SVEP1: variants seen among roughly 807,000 people sequenced by gnomAD.
SVEP1 encodes the protein sushi, von Willebrand factor type A, EGF and pentraxin domain-containing protein 1.
In SVEP1, 164 loss-of-function variants were observed where a neutral mutation model predicts 367.3. The observed-to-expected ratio is 0.45, with a 90% CI of 0.39 to 0.51. SVEP1 has a LOEUF of 0.51. SVEP1 is among the 20% of genes least tolerant of loss of function. The pLI, the probability that SVEP1 is intolerant of heterozygous loss-of-function variation, is 0.00. For synonymous variants in SVEP1, 1,666 were observed against 1,611.6 expected (o/e 1.03, Z -0.81); for missense variants, 4,117 against 4,425.3 (o/e 0.93, Z 1.98).
intron 43 of SVEP1, 57 bp downstream of exon 43, chr9:110,385,841 G>A: frequency 6.4e-7 from 1 of 1,557,438 alleles, no homozygotes; most frequent in Non-Finnish European, 8.7e-7. Context: ...CAACCTCACA[G>A]GGATGGGAAA....
At chr9:110,481,195 A>C in intron 12 of SVEP1, 47 bp downstream of exon 12, 1 of 1,287,906 alleles carries the variant, frequency 7.8e-7, no homozygotes, top group Non-Finnish European at 1.0e-6. Flanking sequence ...AGAAATGTAC[A>C]CACATTCACA....
chr9:110,434,487 C>G lies in SVEP1; in HGVS notation c.4908G>C (p.Gly1636=). Residue 1636 remains glycine (G), a synonymous_variant, in exon 30 of 48, where the codon GGG becomes GGC. Coordinates refer to ENST00000374469, the MANE Select transcript of SVEP1 (RefSeq NM_153366.4). ...ATGCAGTTCTCAGATGAGGCACTGA[C>G]CCTCCTAAGCGTGGGCAATCTGAGG... ...IFCSDCPRLG[G]SVPHLRTASE... is the part of the protein sequence containing the mutation. The G allele has an allele frequency of 6.2e-7, 1 of 1,613,078 alleles. No homozygotes were observed. Among genetic ancestry groups the G allele is most frequent in the Non-Finnish European group, 8.5e-7 (1 of 1,179,624 alleles).
chr9:110,539,329 C>T (rs1002575881), intron 3 of SVEP1, among the ~76,000 whole-genome samples: 1 of 152,058 alleles, frequency 6.6e-6, no homozygotes, highest in East Asian at 1.9e-4. Flanking sequence ...AGAATTAGTT[C>T]GAGCTTTCAG....
Position 110,445,990 on chromosome 9 carries a change from C to G in SVEP1, c.4310G>C (p.Gly1437Ala). The change falls in exon 26 of 48, where the codon GGA (glycine) becomes GCA (alanine). Residue 1437 changes from glycine (G) to alanine (A), a missense_variant. Gly to Ala is a moderately conservative substitution (Grantham distance 60, BLOSUM62 0). Coordinates refer to ENST00000374469, the MANE Select transcript of SVEP1 (RefSeq NM_153366.4). ...NLDFEVSGIY[G>A]YVMLDGMLPS... ...GAGCATGCCATCTAGCATGACATAT[C>G]CATAGATGCCAGAAACTTCAAAATC... is the stretch of plus-strand genomic sequence containing the variant. 3.1e-6 allele frequency: 5 copies of G among 1,613,706 alleles called. No individual in the cohort carries two copies. Among genetic ancestry groups the G allele is most frequent in the Non-Finnish European group, 4.2e-6 (5 of 1,179,782 alleles).
chr9:110,386,218 G>A (rs1827519768), intron 42 of SVEP1, 144 bp from the exon 43 acceptor site: 1 of 809,412 alleles, frequency 1.2e-6, no homozygotes, highest in Admixed American at 3.7e-5. Context: ...CCAAACATTA[G>A]ACACAGACTT....
At chr9:110,495,524 T>C (rs1166389747) in intron 8 of SVEP1, among the ~76,000 whole-genome samples, 2 of 152,136 alleles carry the variant, frequency 1.3e-5, no homozygotes, top group Non-Finnish European at 2.9e-5. Flanking sequence ...TTTGCCCTTT[T>C]CAAATCAGAT....
intron 20 of SVEP1, 22 bp downstream of exon 20, chr9:110,458,449 A>G (rs1453009090): frequency 6.2e-7 from 1 of 1,600,436 alleles, no homozygotes; most frequent in Non-Finnish European, 8.5e-7. Flanking sequence ...ACTAGAGAAC[A>G]GTTTATGCAA....
intron 1 of SVEP1, among the ~76,000 whole-genome samples, chr9:110,571,638 T>C (rs1389677615): frequency 6.6e-6 from 1 of 152,192 alleles, no homozygotes; most frequent in Non-Finnish European, 1.5e-5. Context: ...TAGTGGTACC[T>C]CAGATTTTCT....
chr9:110,517,596 T>TTAA (rs1564165440), intron 3 of SVEP1, among the ~76,000 whole-genome samples: 1 of 43,982 alleles, frequency 2.3e-5, no homozygotes, highest in African/African-American at 8.0e-5. Flanking sequence ...AGACGCTATC[T>TTAA]CAAAAAAAAA....
rs781442503 is a variant in SVEP1 at position 110,408,836 on chromosome 9, G to C, written c.6764C>G (p.Ser2255Cys). 3.1e-6 allele frequency: 5 copies of C among 1,613,282 alleles called. No homozygotes were observed. Among genetic ancestry groups the C allele is most frequent in the South Asian group, 1.1e-5 (1 of 91,082 alleles). Residue 2255 changes from serine (S) to cysteine (C), a missense_variant, in exon 38 of 48, where the codon TCC (serine) becomes TGC (cysteine). By Grantham distance (112) the Ser-to-Cys change is moderately radical (BLOSUM62 -1). This residue lies in a region of SVEP1 where 1,765 missense variants were observed against 1,781.1 expected (regional missense o/e 0.99). Coordinates refer to ENST00000374469, the MANE Select transcript of SVEP1 (RefSeq NM_153366.4). ...GTCGAGAGGAACACACATCAGAGGG[G>C]ATTCACTGTGCCAGTGGCGATTGGC... ...CQANRHWHSE[S>C]PLMCVPLDCG...
rs1166501844 is a variant in SVEP1, at chr9:110,406,344, T to C, written c.9256A>G (p.Ile3086Val). The C allele has an allele frequency of 1.2e-6, 2 of 1,613,934 alleles. No individual in the cohort carries two copies. Among genetic ancestry groups the C allele is most frequent in the Admixed American group, 1.7e-5 (1 of 60,014 alleles). ...TATCCAGACCTGCAGCTGTAAGTTA[T>C]CACATTTTCCTTCCAAGAGCTGGTC... ...SETSSWKENV[I>V]TYSCRSGYVI... is the part of the protein sequence containing the mutation. Residue 3086 changes from isoleucine (I) to valine (V), a missense_variant, in exon 38 of 48, where the codon ATA (isoleucine) becomes GTA (valine). This residue lies in a region of SVEP1 where 1,765 missense variants were observed against 1,781.1 expected (regional missense o/e 0.99). Coordinates refer to ENST00000374469, the MANE Select transcript of SVEP1 (RefSeq NM_153366.4).
intron 40 of SVEP1, among the ~76,000 whole-genome samples, chr9:110,395,302 T>G (rs1182025925): frequency 6.6e-6 from 1 of 152,154 alleles, no homozygotes; most frequent in African/African-American, 2.4e-5. Flanking sequence ...AAGCAAATGC[T>G]GAGAGATTTT....
chr9:110,469,152 C>A, intron 16 of SVEP1, 51 bp from the exon 17 acceptor site: 1 of 1,519,008 alleles, frequency 6.6e-7, no homozygotes, highest in Non-Finnish European at 8.9e-7. Flanking sequence ...CGGTGGAACA[C>A]ACTGGGCTTT....
intron 10 of SVEP1, among the ~76,000 whole-genome samples, chr9:110,483,066 T>G (rs951478579): frequency 6.6e-6 from 1 of 152,230 alleles, no homozygotes; most frequent in East Asian, 1.9e-4. Flanking sequence ...TAGGTAAGTC[T>G]GCTACGACAT....
intron 3 of SVEP1, among the ~76,000 whole-genome samples, chr9:110,528,524 A>C (rs1829975084): frequency 6.6e-6 from 1 of 151,788 alleles, no homozygotes; most frequent in Non-Finnish European, 1.5e-5. Flanking sequence ...CTGGTGTCTC[A>C]TTGTGGTTTT....
chr9:110,521,620 C>A (rs17205084), intron 3 of SVEP1, among the ~76,000 whole-genome samples: 15,099 of 152,250 alleles, frequency 0.099, 1,017 homozygotes, highest in Non-Finnish European at 0.14. Flanking sequence ...CACATCAATA[C>A]AACCAGCTGT....
intron 18 of SVEP1, 43 bp downstream of exon 18, chr9:110,465,822 C>T: frequency 2.5e-6 from 4 of 1,589,668 alleles, no homozygotes; most frequent in Non-Finnish European, 3.4e-6. Context: ...TGCATAGAAC[C>T]TAGTAGGTTT....
At chr9:110,426,579 A>T (rs1300899879) in intron 36 of SVEP1, among the ~76,000 whole-genome samples, 1 of 152,226 alleles carries the variant, frequency 6.6e-6, no homozygotes, top group Admixed American at 6.5e-5. Flanking sequence ...TGTGAAGAAC[A>T]ACTGTAGTAA....
At chr9:110,476,381 T>G in intron 13 of SVEP1, 66 bp from the exon 14 acceptor site, 1 of 1,243,872 alleles carries the variant, frequency 8.0e-7, no homozygotes, top group Admixed American at 1.7e-5. Context: ...ATAAACACTT[T>G]GCTCCCCTGG....
Sources: allele counts gnomAD v4.1 joint callset (sites outside exome capture counted in the v4.1 genomes callset), GRCh38; gene constraint gnomAD v4.1.1; regional missense constraint gnomAD v4.1.1; transcripts MANE v1.5; gene names NCBI Gene and HGNC (gene_info 2026-07-23, HGNC 2026-07-21).